The following LOC128092252 variants were observed in gnomAD, a reference collection of about 807,000 sequenced individuals.
the LOC128092252 span, among the ~76,000 whole-genome samples, chr15:50,669,972 C>T: frequency 6.6e-6 from 1 of 152,128 alleles, no homozygotes; most frequent in South Asian, 2.1e-4. Context: ...TGCTGTTGTA[C>T]TCTTTGTATA....
At chr15:50,672,635 T>C in the LOC128092252 span, among the ~76,000 whole-genome samples, 81,833 of 151,434 alleles carry the variant, frequency 0.54, 22,330 homozygotes, top group Admixed American at 0.62. Flanking sequence ...AGTAGCCAGG[T>C]GCGGTGGCTC....
chr15:50,679,962 G>A, the LOC128092252 span, among the ~76,000 whole-genome samples: 10 of 152,038 alleles, frequency 6.6e-5, no homozygotes, highest in South Asian at 8.3e-4. Flanking sequence ...ATGACCGGGC[G>A]GTGGCTCACG....
the LOC128092252 span, among the ~76,000 whole-genome samples, chr15:50,672,546 C>A: frequency 1.3e-5 from 2 of 151,976 alleles, no homozygotes; most frequent in African/African-American, 4.8e-5. Flanking sequence ...TAGGCCTAGG[C>A]TAACGTGTAT....
the LOC128092252 span, among the ~76,000 whole-genome samples, chr15:50,666,273 C>T: frequency 2.7e-5 from 4 of 150,436 alleles, no homozygotes; most frequent in East Asian, 2.0e-4. Flanking sequence ...CCCATCTCTA[C>T]GAAAAATACA....
At chr15:50,680,438 C>T in the LOC128092252 span, among the ~76,000 whole-genome samples, 1 of 150,274 alleles carries the variant, frequency 6.7e-6, no homozygotes, top group Non-Finnish European at 1.5e-5. Flanking sequence ...AATGTGGTGG[C>T]GCAACCTGTA....
At chr15:50,653,510 A>G in the LOC128092252 span, among the ~76,000 whole-genome samples, 1 of 152,194 alleles carries the variant, frequency 6.6e-6, no homozygotes, top group African/African-American at 2.4e-5. Flanking sequence ...AATATATGAG[A>G]TAACTGTTTC....
At chr15:50,680,665 T>G in the LOC128092252 span, among the ~76,000 whole-genome samples, 1 of 152,104 alleles carries the variant, frequency 6.6e-6, no homozygotes, top group Non-Finnish European at 1.5e-5. Context: ...TTCTATTAGG[T>G]TTCATTATCA....
At chr15:50,659,932 TG>T in the LOC128092252 span, among the ~76,000 whole-genome samples, 1 of 152,206 alleles carries the variant, frequency 6.6e-6, no homozygotes, top group Non-Finnish European at 1.5e-5. Flanking sequence ...CCCAAAGTGC[TG>T]GGATTACAGG....
the LOC128092252 span, among the ~76,000 whole-genome samples, chr15:50,650,374 A>C: frequency 6.6e-6 from 1 of 152,030 alleles, no homozygotes; most frequent in Non-Finnish European, 1.5e-5. Context: ...CCTCAAAAAA[A>C]GTATCATTAA....
At chr15:50,659,606 A>G in the LOC128092252 span, among the ~76,000 whole-genome samples, 3 of 152,250 alleles carry the variant, frequency 2.0e-5, no homozygotes, top group South Asian at 6.2e-4. Context: ...TGCTTTTATT[A>G]TTTCTATTGC....
chr15:50,669,783 G>GA, the LOC128092252 span, among the ~76,000 whole-genome samples: 28 of 146,036 alleles, frequency 1.9e-4, no homozygotes, highest in East Asian at 7.9e-4. Context: ...TGAAGTCCAG[G>GA]AAAAAAAAAA....
At chr15:50,679,952 A>C in the LOC128092252 span, among the ~76,000 whole-genome samples, 1 of 152,058 alleles carries the variant, frequency 6.6e-6, no homozygotes, top group Non-Finnish European at 1.5e-5. Context: ...AATAAAATGC[A>C]TGACCGGGCG....
the LOC128092252 span, among the ~76,000 whole-genome samples, chr15:50,656,746 T>A: frequency 2.0e-5 from 3 of 152,144 alleles, no homozygotes; most frequent in African/African-American, 7.2e-5. Flanking sequence ...CCAGAGACCT[T>A]CTCTTCTTCC....
chr15:50,665,099 G>A, the LOC128092252 span, among the ~76,000 whole-genome samples: 1 of 152,092 alleles, frequency 6.6e-6, no homozygotes, highest in African/African-American at 2.4e-5. Context: ...GCACACATGA[G>A]GCATTTATAA....
At chr15:50,661,135 T>C in the LOC128092252 span, among the ~76,000 whole-genome samples, 505 of 152,066 alleles carry the variant, frequency 3.3e-3, 12 homozygotes, top group East Asian at 7.8e-4. Flanking sequence ...CACTACCACG[T>C]CTGGCTAATT....
the LOC128092252 span, chr15:50,657,706 T>C: frequency 3.8e-6 from 5 of 1,329,122 alleles, no homozygotes; most frequent in Admixed American, 5.4e-5. Flanking sequence ...TGCCACTGTG[T>C]TCTAACTCAT....
the LOC128092252 span, chr15:50,657,874 T>A: frequency 6.9e-7 from 1 of 1,439,650 alleles, no homozygotes; most frequent in Admixed American, 1.8e-5. Flanking sequence ...TTTCTGATTT[T>A]AAAGTATATA....
chr15:50,678,617 T>C, the LOC128092252 span, among the ~76,000 whole-genome samples: 38 of 151,154 alleles, frequency 2.5e-4, no homozygotes, highest in Non-Finnish European at 4.9e-4. Context: ...TGCCAACTAC[T>C]CAACTAATTA....
chr15:50,656,541 A>T, the LOC128092252 span, among the ~76,000 whole-genome samples: 2 of 142,350 alleles, frequency 1.4e-5, no homozygotes, highest in Non-Finnish European at 1.5e-5. Flanking sequence ...TCACTATGCT[A>T]CCCGGGCTGG....
Sources: gnomAD v4.1 joint callset for allele counts (sites outside exome capture counted in the v4.1 genomes callset) on GRCh38, gnomAD v4.1.1 for gene constraint, MANE v1.5 for transcripts.